THOC2: variants seen among roughly 807,000 people sequenced by gnomAD.
The protein encoded by THOC2 is THO complex subunit 2.
In THOC2, 10 loss-of-function variants were observed where a neutral mutation model predicts 128.4. That is an observed-to-expected ratio of 0.08 (90% CI 0.05 to 0.13). The LOEUF (loss-of-function observed/expected upper bound fraction) is 0.13. Ranked by LOEUF, THOC2 falls within the 10% of genes least tolerant of loss-of-function variation. THOC2 has a pLI of 1.00. For synonymous variants in THOC2, 393 were observed against 396.9 expected, an observed-to-expected ratio of 0.99 and a Z score of 0.12; for missense variants, 535 against 1,155.7, an observed-to-expected ratio of 0.46 and a Z score of 7.79.
intron 38 of THOC2, chrX:123,610,085 G>C (rs2046644838): frequency 9.1e-6 from 1 of 110,233 alleles, no homozygotes; most frequent in African/African-American, 3.3e-5. Flanking sequence ...AAACACAGCT[G>C]TCTGGAACCA....
At chrX:123,647,214 C>A (rs775172268) in intron 12 of THOC2, among the ~76,000 whole-genome samples, 49 of 111,603 alleles carry the variant, frequency 4.4e-4, no homozygotes, top group African/African-American at 1.4e-3. Context: ...CTATCAAAGT[C>A]GAATTATAGC....
chrX:123,604,754 A>T (rs951092709), intron 38 of THOC2, among the ~76,000 whole-genome samples: 4 of 111,863 alleles, frequency 3.6e-5, no homozygotes, highest in Admixed American at 2.8e-4. Flanking sequence ...GCAACCAAAC[A>T]ATTTTTAAGA....
chrX:123,706,828 ATTAAC>A (rs763138665), intron 3 of THOC2, 25 bp downstream of exon 3: 2 of 757,515 alleles, frequency 2.6e-6, no homozygotes, highest in East Asian at 7.7e-5. Flanking sequence ...TATAACAACT[ATTAAC>A]TTAAAAAAAT....
chrX:123,661,335 G>A (rs1478875336), intron 12 of THOC2, among the ~76,000 whole-genome samples: 1 of 111,105 alleles, frequency 9.0e-6, no homozygotes, highest in African/African-American at 3.3e-5. Flanking sequence ...AACCCAGGAG[G>A]CGGAGGTTGC....
chrX:123,671,683 C>T lies in THOC2; in HGVS notation c.847G>A (p.Asp283Asn). The T allele has an allele frequency of 8.7e-7, 1 of 1,152,151 alleles. No individual in the cohort carries two copies. Among genetic ancestry groups the T allele is most frequent in the Non-Finnish European group, 1.2e-6 (1 of 852,867 alleles). The allele number at this position is 1,152,151 out of a possible 1,213,427, so 95.0% of individuals were successfully genotyped here. ...LLQFNLIDLDDLYVHLLPADN... is the reference protein window; with the variant it reads ...LLQFNLIDLDNLYVHLLPADN... ...ACTTGACTTACATGTACATAAAGAT[C>T]ATCTAAATCAATAAGATTAAATTGT... The change falls in exon 9 of 39, where the codon GAT becomes AAT. Residue 283 changes from aspartate to asparagine, a missense_variant. This residue lies in a region of THOC2 where 197 missense variants were observed against 313.4 expected (regional missense o/e 0.63). Coordinates refer to ENST00000245838, the MANE Select transcript of THOC2 (RefSeq NM_001081550.2).
chrX:123,689,067 C>T lies in THOC2; in HGVS notation c.602-2353G>A, dbSNP rs1054499675. 1.2e-4 allele frequency among the ~76,000 whole-genome samples: 14 copies of T among 112,434 alleles called. No individual in the cohort carries two copies. The South Asian group carries it at 3.7e-3, about 29-fold the overall frequency. ...TCATAAATAAAGAATAGAACAGCAA[C>T]ATGTTAGATTAAAATCTTTTAAGTG... On this transcript the variant is annotated intron_variant, in intron 7 of 38. Coordinates refer to ENST00000245838, the MANE Select transcript of THOC2 (RefSeq NM_001081550.2).
intron 32 of THOC2, 111 bp downstream of exon 32, chrX:123,620,796 C>A: frequency 1.4e-6 from 1 of 699,196 alleles, no homozygotes; most frequent in South Asian, 3.6e-5. Flanking sequence ...CAATATAAAA[C>A]CTCCAGTGGC....
At chrX:123,629,206 AACACACACACACACACAC>A (rs754562050) in intron 22 of THOC2, among the ~76,000 whole-genome samples, 1 of 81,959 alleles carries the variant, frequency 1.2e-5, no homozygotes, top group Non-Finnish European at 2.3e-5. Flanking sequence ...ATTATACATG[AACACACACACACACACAC>A]ACACACACAC....
chrX:123,708,505 T>G (rs1207408664), intron 2 of THOC2, among the ~76,000 whole-genome samples: 1 of 110,750 alleles, frequency 9.0e-6, no homozygotes, highest in Non-Finnish European at 1.9e-5. Flanking sequence ...AGGTGGTTTT[T>G]TTGGCTTTTT....
intron 1 of THOC2, among the ~76,000 whole-genome samples, chrX:123,717,504 C>T (rs2147969369): frequency 9.0e-6 from 1 of 110,848 alleles, no homozygotes; most frequent in South Asian, 3.7e-4. Flanking sequence ...CACAAGCTAT[C>T]AAATGCTGAT....
intron 1 of THOC2, among the ~76,000 whole-genome samples, chrX:123,730,795 T>C (rs1251220377): frequency 9.0e-6 from 1 of 111,083 alleles, no homozygotes; most frequent in Non-Finnish European, 1.9e-5. Context: ...ATACAAAAAA[T>C]TAGCCGGGCG....
chrX:123,712,735 C>A, intron 2 of THOC2, 115 bp downstream of exon 2: 3 of 460,600 alleles, frequency 6.5e-6, no homozygotes, highest in Middle Eastern at 5.8e-4. Context: ...CATGTAAAAC[C>A]TTTATATAAT....
In THOC2 at chrX:123,613,695, T is replaced by C. The variant is rs1172271516; in HGVS notation, c.4463A>G (p.Asn1488Ser). Reference sequence around the variant, plus strand: ...TAAGTCCGGTGGCACTTCACGGTCGTTGTTTGAGTGATCCTAGAACCAAGA... The same window carrying C: ...TAAGTCCGGTGGCACTTCACGGTCGCTGTTTGAGTGATCCTAGAACCAAGA... ...RKERKRDHSN[N>S]DREVPPDLTK... The change falls in exon 35 of 39, where the codon AAC (asparagine) becomes AGC (serine). Residue 1488 changes from asparagine to serine, a missense_variant. Transcript: ENST00000245838. 8.3e-7 allele frequency: 1 copy of C among 1,208,469 alleles called. No homozygotes were observed. Among genetic ancestry groups the C allele is most frequent in the African/African-American group, 1.8e-5 (1 of 57,123 alleles).
At chrX:123,722,415 C>T (rs777898398) in intron 1 of THOC2, among the ~76,000 whole-genome samples, 4 of 111,291 alleles carry the variant, frequency 3.6e-5, no homozygotes, top group Admixed American at 9.6e-5. Context: ...ATGTCCTTTG[C>T]AGGGACATGG....
chrX:123,668,408 A>G lies in THOC2; in HGVS notation c.862-94T>C. 5 of 542,931 alleles carry G rather than the reference A, an allele frequency of 9.2e-6. 1 individual carries two copies. The South Asian group carries it at 3.0e-4, about 33-fold the overall frequency. The allele number at this position is 542,931 out of a possible 1,213,427, so 44.7% of individuals were successfully genotyped here. On this transcript the variant is annotated intron_variant, in intron 9 of 38. Transcript: ENST00000245838. ...ACTATTCTCAATTGATAAAACTATA[A>G]ATAAGAAGTCTAACTTATTCGTGAC... is the stretch of plus-strand genomic sequence containing the variant.
chrX:123,646,365 G>A (rs1033586619), intron 12 of THOC2, among the ~76,000 whole-genome samples: 1 of 112,330 alleles, frequency 8.9e-6, no homozygotes, highest in Non-Finnish European at 1.9e-5. Flanking sequence ...AGGGCTGGCG[G>A]AGTCTGTAGA....
intron 2 of THOC2, among the ~76,000 whole-genome samples, chrX:123,709,820 A>T (rs751172995): frequency 1.9e-4 from 21 of 111,686 alleles, no homozygotes; most frequent in Non-Finnish European, 3.6e-4. Context: ...CACTAATTTG[A>T]TCATTACACA....
intron 4 of THOC2, among the ~76,000 whole-genome samples, chrX:123,703,080 G>C (rs928708299): frequency 9.0e-6 from 1 of 111,703 alleles, no homozygotes; most frequent in African/African-American, 3.3e-5. Context: ...GAGTACAAGA[G>C]CAAAGTAAGT....
At chrX:123,680,610 C>T (rs1740657774) in intron 8 of THOC2, among the ~76,000 whole-genome samples, 1 of 110,386 alleles carries the variant, frequency 9.1e-6, no homozygotes, top group African/African-American at 3.3e-5. Context: ...CCCACAGGTG[C>T]GGAGGGGCAA....
Sources: gnomAD v4.1 joint callset for allele counts (sites outside exome capture counted in the v4.1 genomes callset) on GRCh38, gnomAD v4.1.1 for gene constraint, gnomAD v4.1.1 regional missense constraint, MANE v1.5 for transcripts, NCBI Gene and HGNC (gene_info 2026-07-23, HGNC 2026-07-21) for gene names.